CDH15: variants seen among roughly 807,000 people sequenced by gnomAD.
The protein encoded by CDH15 is cadherin 15.
In CDH15, 73 loss-of-function variants were observed where a neutral mutation model predicts 69.4. The ratio of observed to expected loss-of-function variants is 1.05; its 90% CI spans 0.87 to 1.28. The LOEUF (loss-of-function observed/expected upper bound fraction) is 1.28, where lower values mean the gene tolerates loss of function less well. CDH15 is among the 50% of genes most tolerant of loss of function. The pLI is 0.00. For synonymous variants in CDH15, 624 were observed against 507.7 expected (o/e 1.23, Z -3.08); for missense variants, 1,343 against 1,133.6 (o/e 1.18, Z -2.65).
At position 89,191,733 on chromosome 16, in the gene CDH15, C is replaced by T. The variant is rs533094369; in HGVS notation, c.1454C>T (p.Pro485Leu). The T allele has an allele frequency of 3.0e-4, 477 of 1,603,494 alleles. No homozygotes were observed. The Middle Eastern group carries it at 4.1e-3, about 14-fold the overall frequency. ...AACGACCATGCACCTGTGCTGGCCC[C>T]GCCGCCGCCGGGCAGCCTGTGCAGC... ...EVNDHAPVLA[P>L]PPPGSLCSEP... Residue 485 changes from proline (P) to leucine (L), a missense_variant, in exon 10 of 14, where the codon CCG becomes CTG. Pro to Leu is a moderately conservative substitution (Grantham distance 98). Transcript: ENST00000289746.
intron 3 of CDH15, 174 bp from the exon 4 acceptor site, chr16:89,183,374 G>A: frequency 1.4e-6 from 1 of 701,674 alleles, no homozygotes; most frequent in Non-Finnish European, 2.4e-6. Context: ...TCCCGTTCAG[G>A]GACGTCCTCA....
At position 89,191,741 on chromosome 16, in the gene CDH15, C is replaced by A. The variant is rs1424048739; in HGVS notation, c.1462C>A (p.Pro488Thr). 1 of 1,604,686 alleles carries A rather than the reference C, an allele frequency of 6.2e-7. No individual in the cohort carries two copies. Among genetic ancestry groups the A allele is most frequent in the Non-Finnish European group, 8.5e-7 (1 of 1,179,240 alleles). The stretch of plus-strand genomic sequence containing the variant: ...TGCACCTGTGCTGGCCCCGCCGCCG[C>A]CGGGCAGCCTGTGCAGCGAGCCACA... ...DHAPVLAPPP[P>T]GSLCSEPHQG... The change falls in exon 10 of 14, where the codon CCG (proline) becomes ACG (threonine). Residue 488 changes from proline (P) to threonine (T), a missense_variant. By Grantham distance (38) the Pro-to-Thr change is conservative (BLOSUM62 -1). Transcript: ENST00000289746.
chr16:89,190,615 G>T lies in CDH15; in HGVS notation c.1232+119G>T, dbSNP rs180869002. ...GGTGTAGGGGCCATTTGCTGTGTGG[G>T]TTCCTGAAGGTCTGGAGGGTCTCGA... On this transcript the variant is annotated intron_variant, in intron 8 of 13. Transcript: ENST00000289746. The T allele has an allele frequency of 3.1e-6, 4 of 1,285,904 alleles. No individual in the cohort carries two copies. The Admixed American group carries it at 8.5e-5, about 27-fold the overall frequency. The allele number at this position is 1,285,904 out of a possible 1,614,324, so 79.7% of individuals were successfully genotyped here. A position where few individuals can be genotyped will look rare whatever the true frequency, so the allele number is the denominator to read the frequency against.
At position 89,192,238 on chromosome 16, in the gene CDH15, T is replaced by C; in HGVS notation, c.1649T>C (p.Val550Ala). 1.3e-6 allele frequency: 2 copies of C among 1,529,304 alleles called. No individual in the cohort carries two copies. The highest frequency in any genetic ancestry group is 1.7e-6 in the Non-Finnish European group (2 of 1,144,658). 94.7% of individuals were successfully genotyped at this position (1,529,304 alleles called of 1,614,324 possible). A position where few individuals can be genotyped will look rare whatever the true frequency, so the allele number is the denominator to read the frequency against. ...GCGCGCCTGCGGCCGCGACACCAGGTCCCCGAAGGCCTGCACCGCCTCAGC... is the reference window on the plus strand; with the variant it reads ...GCGCGCCTGCGGCCGCGACACCAGGCCCCCGAAGGCCTGCACCGCCTCAGC... ...SHARLRPRHQVPEGLHRLSLL... is the reference protein window; with the variant it reads ...SHARLRPRHQAPEGLHRLSLL... Residue 550 changes from valine (V) to alanine (A), a missense_variant, in exon 11 of 14, where the codon GTC becomes GCC. Coordinates refer to ENST00000289746, the MANE Select transcript of CDH15 (RefSeq NM_004933.3).
intron 8 of CDH15, 80 bp from the exon 9 acceptor site, chr16:89,191,250 A>T: frequency 1.3e-6 from 2 of 1,520,568 alleles, no homozygotes; most frequent in Non-Finnish European, 1.8e-6. Flanking sequence ...TGTGCAGTGC[A>T]TGTCACGCAC....
chr16:89,191,966 G>T, intron 10 of CDH15, 72 bp downstream of exon 10: 1 of 1,417,802 alleles, frequency 7.1e-7, no homozygotes, highest in South Asian at 1.3e-5. Flanking sequence ...GCCTCGGACG[G>T]GGGCAGGAGG....
chr16:89,195,148 C>T lies in CDH15; in HGVS notation c.2438C>T (p.Thr813Ile). ...CTGCTACCCAGACACAGAGGCCGGACAGCCTGACCCTGGGGCGCAACTGGA... is the reference window on the plus strand; with the variant it reads ...CTGCTACCCAGACACAGAGGCCGGATAGCCTGACCCTGGGGCGCAACTGGA... ...GALLPRHRGR[T>I]A is the part of the protein sequence containing the mutation. The change falls in exon 14 of 14, where the codon ACA becomes ATA. Residue 813 changes from threonine (T) to isoleucine (I), a missense_variant. Coordinates refer to ENST00000289746, the MANE Select transcript of CDH15 (RefSeq NM_004933.3). 2 of 1,589,050 alleles carry T rather than the reference C, an allele frequency of 1.3e-6. No homozygotes were observed. The highest frequency in any genetic ancestry group is 8.6e-7 in the Non-Finnish European group (1 of 1,167,592).
intron 8 of CDH15, 148 bp from the exon 9 acceptor site, chr16:89,191,182 T>C (rs1915631731): frequency 5.9e-6 from 5 of 850,150 alleles, no homozygotes; most frequent in Middle Eastern, 2.3e-4. Context: ...TGTGTGTGCG[T>C]GTGTATATGT....
At chr16:89,190,217 T>C in intron 7 of CDH15, 26 bp from the exon 8 acceptor site, 1 of 1,608,720 alleles carries the variant, frequency 6.2e-7, no homozygotes, top group South Asian at 1.1e-5. Flanking sequence ...GTTGGGCGGA[T>C]GACGGGCTGT....
Position 89,190,563 on chromosome 16 carries a change from CT to C in CDH15, c.1232+68del, listed in dbSNP as rs764643408. 4.2e-4 allele frequency: 654 copies of C among 1,538,902 alleles called. 1 individual carries two copies. Among genetic ancestry groups the C allele is most frequent in the Non-Finnish European group, 4.1e-4 (471 of 1,137,732 alleles). On this transcript the variant is annotated intron_variant, in intron 8 of 13. Transcript: ENST00000289746. ...GGCCCCATTCCTGCTTCGGGTGCCC[CT>C]GATCCCTGGGCTCTGAGGGTCAGAG...
chr16:89,191,270 A>C, intron 8 of CDH15, 60 bp from the exon 9 acceptor site: 2 of 1,606,614 alleles, frequency 1.2e-6, no homozygotes, highest in Non-Finnish European at 1.7e-6. Context: ...CCCATACCTG[A>C]CCACACCTGT....
In CDH15 at chr16:89,195,319, G is replaced by A. The variant is rs760655358; in HGVS notation, c.*164G>A. The A allele has an allele frequency of 3.8e-5, 28 of 729,304 alleles. No individual in the cohort carries two copies. Among genetic ancestry groups the A allele is most frequent in the South Asian group, 2.9e-4 (14 of 48,744 alleles). The allele number at this position is 729,304 out of a possible 1,614,324, so 45.2% of individuals were successfully genotyped here. A position where few individuals can be genotyped will look rare whatever the true frequency, so the allele number is the denominator to read the frequency against. ...GGCAGAACCTGAGTGTGGATGGGGC[G>A]GCCAGGAAGAGGCCCCTTCCTGCCG... On this transcript the variant is annotated 3_prime_UTR_variant, in exon 14 of 14. Coordinates refer to ENST00000289746, the MANE Select transcript of CDH15 (RefSeq NM_004933.3).
At chr16:89,174,952 G>A (rs1431884388) in intron 1 of CDH15, among the ~76,000 whole-genome samples, 2 of 152,216 alleles carry the variant, frequency 1.3e-5, no homozygotes, top group Non-Finnish European at 2.9e-5. Flanking sequence ...CCCTCCACTG[G>A]CCACGTCTTC....
rs769040110 is a variant in CDH15, at chr16:89,185,139, G to C, written c.503-34G>C. ...ATGCCCCCAGCCCATCGGCCCTGTGGACGTTGGCCCTCACGCCTCCCTGTG... is the reference window on the plus strand; with the variant it reads ...ATGCCCCCAGCCCATCGGCCCTGTGCACGTTGGCCCTCACGCCTCCCTGTG... On this transcript the variant is annotated intron_variant, in intron 4 of 13. Coordinates refer to ENST00000289746, the MANE Select transcript of CDH15 (RefSeq NM_004933.3). 1.9e-6 allele frequency: 3 copies of C among 1,564,414 alleles called. No homozygotes were observed. In the Admixed American group the frequency reaches 5.5e-5, roughly 29 times the overall value.
At chr16:89,180,974 C>CTT (rs770080908) in intron 3 of CDH15, among the ~76,000 whole-genome samples, 1 of 96,986 alleles carries the variant, frequency 1.0e-5, no homozygotes. Flanking sequence ...CGCGCCCGAC[C>CTT]TTTTTTTTTT....
intron 7 of CDH15, among the ~76,000 whole-genome samples, chr16:89,188,840 CCA>C (rs1195201054): frequency 2.3e-4 from 16 of 70,596 alleles, no homozygotes; most frequent in African/African-American, 9.3e-4. Context: ...GCACAGGTGC[CCA>C]CACACAGATG....
Position 89,185,348 on chromosome 16 carries a change from C to G in CDH15, c.663+15C>G, listed in dbSNP as rs199752456. 1 of 1,588,392 alleles carries G rather than the reference C, an allele frequency of 6.3e-7. No individual in the cohort carries two copies. Among genetic ancestry groups the G allele is most frequent in the Non-Finnish European group, 8.6e-7 (1 of 1,167,738 alleles). ...TGGACCGCGAGGTGAGGTGGCGCCCCGGCAGCTCCACACCCGCACGGCCAG... is the reference window on the plus strand; with the variant it reads ...TGGACCGCGAGGTGAGGTGGCGCCCGGGCAGCTCCACACCCGCACGGCCAG... On this transcript the variant is annotated intron_variant, in intron 5 of 13. Coordinates refer to ENST00000289746, the MANE Select transcript of CDH15 (RefSeq NM_004933.3).
chr16:89,185,077 G>T, intron 4 of CDH15, 96 bp from the exon 5 acceptor site: 1 of 1,219,020 alleles, frequency 8.2e-7, no homozygotes, highest in Non-Finnish European at 1.2e-6. Context: ...TGGAACCGGG[G>T]AGCCTGTGCA....
rs1162988699 is a variant in CDH15 at position 89,191,461 on chromosome 16, C to A, written c.1364C>A (p.Ala455Asp). Reference protein sequence around the residue: ...KGGWYRAIVLAQDDASQPRTA... With the variant: ...KGGWYRAIVLDQDDASQPRTA... Reference sequence around the variant, plus strand: ...GGCTGGTACAGAGCCATCGTCCTGGCCCAGGATGACGGTGAGCGGCGCCGC... The same window carrying A: ...GGCTGGTACAGAGCCATCGTCCTGGACCAGGATGACGGTGAGCGGCGCCGC... The change falls in exon 9 of 14, where the codon GCC becomes GAC. Residue 455 changes from alanine to aspartate, a missense_variant. Physicochemically the swap from Ala to Asp is moderately radical, Grantham distance 126. Transcript: ENST00000289746. 1.9e-6 allele frequency: 3 copies of A among 1,612,472 alleles called. No individual in the cohort carries two copies. The highest frequency in any genetic ancestry group is 2.5e-6 in the Non-Finnish European group (3 of 1,179,938).
Sources: allele counts gnomAD v4.1 joint callset (sites outside exome capture counted in the v4.1 genomes callset), GRCh38; gene constraint gnomAD v4.1.1; transcripts MANE v1.5; gene names NCBI Gene and HGNC (gene_info 2026-07-23, HGNC 2026-07-21).